CSMD1: variants seen among roughly 807,000 people sequenced by gnomAD.
The protein encoded by CSMD1 is CUB and Sushi multiple domains 1, also known as CUB and sushi domain-containing protein 1.
CSMD1 carries 213 observed loss-of-function variants against 417.5 expected under a neutral mutation model. The observed-to-expected ratio is 0.51, with a 90% CI of 0.46 to 0.57. The LOEUF (loss-of-function observed/expected upper bound fraction) is 0.57. Ranked by LOEUF, CSMD1 falls within the 20% of genes least tolerant of loss-of-function variation. The pLI, the probability that CSMD1 is intolerant of heterozygous loss-of-function variation, is 0.00. For synonymous variants in CSMD1, 2,862 were observed against 1,736.8 expected (o/e 1.65, Z -16.11); for missense variants, 6,923 against 4,529.7 (o/e 1.53, Z -15.17).
intron 51 of CSMD1, among the ~76,000 whole-genome samples, chr8:3,022,025 G>T (rs1210853353): frequency 7.0e-6 from 1 of 143,702 alleles, no homozygotes; most frequent in Non-Finnish European, 1.5e-5. Context: ...CATCCAGAAT[G>T]CACCTGCAAT....
intron 3 of CSMD1, among the ~76,000 whole-genome samples, chr8:4,059,586 T>G (rs1429611707): frequency 6.6e-6 from 1 of 151,348 alleles, no homozygotes; most frequent in East Asian, 1.9e-4. Flanking sequence ...ATCAAATAGA[T>G]GCAATAAAAA....
In CSMD1 at chr8:4,983,677, C is replaced by G. The variant is rs561240766; in HGVS notation, c.85+10655G>C. Among the ~76,000 whole-genome samples the G allele has an allele frequency of 4.4e-3, 664 of 152,170 alleles. 2 individuals are homozygous for G. Among genetic ancestry groups the G allele is most frequent in the Middle Eastern group, 0.01 (3 of 294 alleles). On this transcript the variant is annotated intron_variant, in intron 1 of 69. Transcript: ENST00000635120. ...AGCTTGGATTACGGGTGCCAGCCAC[C>G]ACACCCAGCTAATTTTTTTTTTCGT...
intron 5 of CSMD1, among the ~76,000 whole-genome samples, chr8:3,905,502 T>C (rs1808052885): frequency 1.3e-5 from 2 of 152,228 alleles, no homozygotes; most frequent in African/African-American, 4.8e-5. Flanking sequence ...AAGATCTCTG[T>C]GCACCTGCTA....
At chr8:4,903,016 T>C (rs1804992259) in intron 1 of CSMD1, among the ~76,000 whole-genome samples, 1 of 42,468 alleles carries the variant, frequency 2.4e-5, no homozygotes, top group Non-Finnish European at 7.7e-5. Context: ...TAATAATAAA[T>C]AAATAAATAA....
chr8:3,153,913 C>T (rs1819355073), intron 39 of CSMD1, among the ~76,000 whole-genome samples: 1 of 152,158 alleles, frequency 6.6e-6, no homozygotes, highest in Non-Finnish European at 1.5e-5. Flanking sequence ...AACTACAAGT[C>T]AATAGATAAG....
chr8:4,139,717 G>C (rs1055650077), intron 3 of CSMD1, among the ~76,000 whole-genome samples: 1 of 151,100 alleles, frequency 6.6e-6, no homozygotes, highest in East Asian at 1.9e-4. Flanking sequence ...GGGAAGCCCC[G>C]AGTGATGCTT....
intron 62 of CSMD1, among the ~76,000 whole-genome samples, chr8:2,958,709 C>A (rs140870235): frequency 1.5e-3 from 231 of 152,318 alleles, no homozygotes; most frequent in African/African-American, 5.3e-3. Context: ...GGCTTGGGAC[C>A]AGATTATTTC....
chr8:4,190,619 G>A (rs1012621873), intron 3 of CSMD1, among the ~76,000 whole-genome samples: 2 of 151,554 alleles, frequency 1.3e-5, no homozygotes. Context: ...AAGCTCAAAG[G>A]GGTTAAAGAA....
chr8:4,917,542 G>A lies in CSMD1; in HGVS notation c.85+76790C>T, dbSNP rs555093122. On this transcript the variant is annotated intron_variant, in intron 1 of 69. Coordinates refer to ENST00000635120, the MANE Select transcript of CSMD1 (RefSeq NM_033225.6). ...CCAGCTACTCGGGAAGCTGAAGCAG[G>A]AGAATCGCTTGAACCCAGGAAGCGG... 2.6e-4 allele frequency among the ~76,000 whole-genome samples: 40 copies of A among 152,342 alleles called. 1 individual carries two copies. In the South Asian group the frequency reaches 8.1e-3, roughly 31 times the overall value.
At position 4,283,035 on chromosome 8, in the gene CSMD1, T is replaced by TA. The variant is rs572904314; in HGVS notation, c.415+136917dup. 2.2e-4 allele frequency among the ~76,000 whole-genome samples: 33 copies of TA among 152,076 alleles called. No homozygotes were observed. In the East Asian group the frequency reaches 3.7e-3, roughly 17 times the overall value. ...GTATCCCTTTGATTATATTTTCATT[T>TA]AAAAAAAATGCCTGATAGTTAGAAA... On this transcript the variant is annotated intron_variant, in intron 3 of 69. Coordinates refer to ENST00000635120, the MANE Select transcript of CSMD1 (RefSeq NM_033225.6).
intron 5 of CSMD1, among the ~76,000 whole-genome samples, chr8:3,936,211 A>T (rs1810479604): frequency 6.6e-6 from 1 of 151,568 alleles, no homozygotes; most frequent in South Asian, 2.1e-4. Flanking sequence ...CATCTGCGTA[A>T]CATAAAAGGG....
At chr8:4,231,941 C>G (rs1801759047) in intron 3 of CSMD1, among the ~76,000 whole-genome samples, 1 of 151,924 alleles carries the variant, frequency 6.6e-6, no homozygotes, top group Non-Finnish European at 1.5e-5. Flanking sequence ...TTTCCTTCTT[C>G]CTTTTCTACC....
intron 2 of CSMD1, among the ~76,000 whole-genome samples, chr8:4,424,045 C>A (rs1054940142): frequency 7.9e-5 from 12 of 151,902 alleles, no homozygotes; most frequent in Non-Finnish European, 1.2e-4. Context: ...AAAATTACCT[C>A]AATGTGGATT....
At chr8:4,024,690 G>C (rs2554577) in intron 4 of CSMD1, among the ~76,000 whole-genome samples, 96,050 of 151,938 alleles carry the variant, frequency 0.63, 30,665 homozygotes, top group South Asian at 0.74. Flanking sequence ...AATGTGACTT[G>C]TGGATACCTT....
chr8:3,703,674 CT>C (rs1458901222), intron 7 of CSMD1, among the ~76,000 whole-genome samples: 1 of 152,130 alleles, frequency 6.6e-6, no homozygotes, highest in Non-Finnish European at 1.5e-5. Flanking sequence ...AGAGATGAGC[CT>C]GCAGGATGTG....
intron 26 of CSMD1, among the ~76,000 whole-genome samples, chr8:3,248,377 C>T (rs1372504271): frequency 2.0e-5 from 3 of 152,108 alleles, no homozygotes; most frequent in Non-Finnish European, 4.4e-5. Context: ...ATAAAAATTA[C>T]ATAATCTTCC....
At chr8:3,635,793 C>CAAAAAA (rs752552617) in intron 7 of CSMD1, among the ~76,000 whole-genome samples, 30 of 99,206 alleles carry the variant, frequency 3.0e-4, no homozygotes, top group African/African-American at 6.6e-4. Flanking sequence ...GCTTCCATCT[C>CAAAAAA]AAAAAAAAAA....
chr8:3,832,143 G>A (rs990426052), intron 5 of CSMD1, among the ~76,000 whole-genome samples: 1 of 152,086 alleles, frequency 6.6e-6, no homozygotes, highest in East Asian at 1.9e-4. Context: ...GGCTATTTAT[G>A]GGCCAGCCTC....
At chr8:3,765,465 A>T (rs1798213938) in intron 5 of CSMD1, among the ~76,000 whole-genome samples, 1 of 152,176 alleles carries the variant, frequency 6.6e-6, no homozygotes, top group African/African-American at 2.4e-5. Flanking sequence ...GGTTGTGTAG[A>T]GGTCTACCTC....
Sources: allele counts gnomAD v4.1 joint callset (sites outside exome capture counted in the v4.1 genomes callset), GRCh38; gene constraint gnomAD v4.1.1; transcripts MANE v1.5; gene names NCBI Gene and HGNC (gene_info 2026-07-23, HGNC 2026-07-21).